The following NOL4 variants were observed in gnomAD, a reference collection of about 807,000 sequenced individuals.
The protein encoded by NOL4 is cancer/testis antigen 125.
A neutral mutation model predicts 75.9 loss-of-function variants in NOL4; 17 were observed. The ratio of observed to expected loss-of-function variants is 0.22; its 90% CI spans 0.15 to 0.34. NOL4 has a LOEUF of 0.34. Ranked by LOEUF, NOL4 falls within the 10% of genes least tolerant of loss-of-function variation. The pLI is 1.00. For missense variants in NOL4, 614 were observed against 793.5 expected (o/e 0.77, Z 2.72); for synonymous variants, 292 against 289.9 (o/e 1.01, Z -0.07).
intron 10 of NOL4, among the ~76,000 whole-genome samples, chr18:33,867,273 C>T (rs192021382): frequency 2.4e-4 from 36 of 152,152 alleles, no homozygotes; most frequent in South Asian, 1.7e-3. Context: ...AATGAGATTT[C>T]ATCATTTGGA....
chr18:34,066,172 T>C (rs1381592855), intron 5 of NOL4, among the ~76,000 whole-genome samples: 7 of 151,944 alleles, frequency 4.6e-5, no homozygotes, highest in Non-Finnish European at 8.8e-5. Flanking sequence ...TTTTAAAAAA[T>C]AATAGGTATA....
intron 1 of NOL4, among the ~76,000 whole-genome samples, chr18:34,214,363 A>T (rs2036730600): frequency 6.6e-6 from 1 of 152,126 alleles, no homozygotes; most frequent in South Asian, 2.1e-4. Context: ...GTAGTTTATA[A>T]AAGTGTATAT....
chr18:33,983,109 T>C (rs1031073921), intron 6 of NOL4, among the ~76,000 whole-genome samples: 1 of 151,964 alleles, frequency 6.6e-6, no homozygotes, highest in Non-Finnish European at 1.5e-5. Flanking sequence ...CTACATACTA[T>C]ATGATTCCAA....
At chr18:34,197,013 TAGG>T (rs1199529891) in intron 1 of NOL4, among the ~76,000 whole-genome samples, 1 of 151,984 alleles carries the variant, frequency 6.6e-6, no homozygotes, top group Non-Finnish European at 1.5e-5. Context: ...TGTTTTCTTT[TAGG>T]AGTAGAAAAT....
chr18:34,146,606 C>A (rs937796214), intron 1 of NOL4, among the ~76,000 whole-genome samples: 1 of 152,156 alleles, frequency 6.6e-6, no homozygotes, highest in Non-Finnish European at 1.5e-5. Flanking sequence ...GGTAGCAGTA[C>A]CACGCTGCTT....
intron 6 of NOL4, among the ~76,000 whole-genome samples, chr18:33,961,968 G>A (rs2070168861): frequency 6.6e-6 from 1 of 152,038 alleles, no homozygotes; most frequent in Non-Finnish European, 1.5e-5. Context: ...CTACTTGTTT[G>A]CTGGCCCAGC....
At chr18:34,221,998 C>G in intron 1 of NOL4, 1 of 1,527,382 alleles carries the variant, frequency 6.5e-7, no homozygotes, top group Non-Finnish European at 8.8e-7. Context: ...CTCCCCCATC[C>G]CTACTCCAGG....
intron 6 of NOL4, among the ~76,000 whole-genome samples, chr18:33,975,660 A>T (rs541275845): frequency 9.7e-4 from 148 of 152,330 alleles, no homozygotes; most frequent in African/African-American, 3.4e-3. Context: ...CTGTAATCCC[A>T]GCTACTCAGG....
chr18:34,013,063 T>C (rs768431609), intron 6 of NOL4, among the ~76,000 whole-genome samples: 2 of 151,972 alleles, frequency 1.3e-5, no homozygotes, highest in Non-Finnish European at 2.9e-5. Context: ...TTCCTTTTGT[T>C]TAAATAAAGC....
At chr18:33,888,288 G>T (rs940005239) in intron 9 of NOL4, among the ~76,000 whole-genome samples, 1 of 152,086 alleles carries the variant, frequency 6.6e-6, no homozygotes, top group Non-Finnish European at 1.5e-5. Context: ...TTGTAAATTT[G>T]TTGGAGTTCA....
chr18:33,973,356 A>C (rs2071229888), intron 6 of NOL4, among the ~76,000 whole-genome samples: 1 of 152,126 alleles, frequency 6.6e-6, no homozygotes, highest in African/African-American at 2.4e-5. Context: ...ACACGTCTAC[A>C]ATGACTTCCT....
In NOL4 at chr18:33,871,033, A is replaced by G. The variant is rs2063675330; in HGVS notation, c.1723+12211T>C. Among the ~76,000 whole-genome samples the G allele has an allele frequency of 3.3e-5, 5 of 152,230 alleles. No individual in the cohort carries two copies. In the South Asian group the frequency reaches 1.0e-3, roughly 32 times the overall value. On this transcript the variant is annotated intron_variant, in intron 10 of 10. Transcript: ENST00000261592. ...CTTGCACTGTGTGGACTCACATTCA[A>G]ATGTATCTACTTCCACTAGTTCTAG... is the stretch of plus-strand genomic sequence containing the variant.
chr18:33,873,298 C>A (rs2144527047), intron 10 of NOL4, among the ~76,000 whole-genome samples: 1 of 152,020 alleles, frequency 6.6e-6, no homozygotes, highest in Non-Finnish European at 1.5e-5. Context: ...AGCAGGATGA[C>A]AATGGTTCCC....
At chr18:34,125,338 A>G (rs1443516109) in intron 2 of NOL4, among the ~76,000 whole-genome samples, 1 of 152,206 alleles carries the variant, frequency 6.6e-6, no homozygotes, top group Non-Finnish European at 1.5e-5. Context: ...ATTATATCAT[A>G]TATGTGAGTG....
chr18:33,879,491 G>A (rs377377439), intron 10 of NOL4, among the ~76,000 whole-genome samples: 2 of 151,890 alleles, frequency 1.3e-5, no homozygotes, highest in African/African-American at 4.8e-5. Context: ...GGGCAACATG[G>A]TAAAAACTTT....
Position 33,910,738 on chromosome 18 carries a change from C to T in NOL4, c.1543-27314G>A, listed in dbSNP as rs145566171. On this transcript the variant is annotated intron_variant, in intron 9 of 10. Transcript: ENST00000261592. ...AGTATACCTCTCCAAATGTTTGTTCCTTCAGTATTAAAACTCATTTTGGGG... is the reference window on the plus strand; with the variant it reads ...AGTATACCTCTCCAAATGTTTGTTCTTTCAGTATTAAAACTCATTTTGGGG... 3.4e-3 allele frequency among the ~76,000 whole-genome samples: 519 copies of T among 152,156 alleles called. 1 individual carries two copies. Among genetic ancestry groups the T allele is most frequent in the Non-Finnish European group, 5.8e-3 (393 of 68,018 alleles).
At chr18:34,011,837 T>C (rs2074389940) in intron 6 of NOL4, among the ~76,000 whole-genome samples, 3 of 151,886 alleles carry the variant, frequency 2.0e-5, no homozygotes. Context: ...TATGAATACA[T>C]GGCATCAGAA....
chr18:34,124,613 T>G (rs2080298483), intron 2 of NOL4, among the ~76,000 whole-genome samples: 1 of 152,214 alleles, frequency 6.6e-6, no homozygotes, highest in African/African-American at 2.4e-5. Flanking sequence ...AGGACTCATA[T>G]AAGAATCAAG....
intron 10 of NOL4, among the ~76,000 whole-genome samples, chr18:33,881,697 C>A (rs62097770): frequency 4.6e-5 from 7 of 152,148 alleles, no homozygotes; most frequent in South Asian, 4.1e-4. Context: ...AGAATTGGAA[C>A]AAACTACTTT....
Sources: allele counts gnomAD v4.1 joint callset (sites outside exome capture counted in the v4.1 genomes callset), GRCh38; gene constraint gnomAD v4.1.1; transcripts MANE v1.5; gene names NCBI Gene and HGNC (gene_info 2026-07-23, HGNC 2026-07-21).